Variants in CHD6 observed in about 807,000 individuals in gnomAD.
The protein encoded by CHD6 is chromodomain helicase DNA binding protein 6, also known as ATP-dependent chromatin remodeler CHD6.
Under a neutral mutation model 276.9 loss-of-function variants are expected in CHD6, and 50 were observed. The observed-to-expected ratio is 0.18, with a 90% CI of 0.14 to 0.23. The LOEUF (loss-of-function observed/expected upper bound fraction) is 0.23, where lower values mean the gene tolerates loss of function less well. CHD6 is among the 10% of genes least tolerant of loss of function. The pLI, the probability that CHD6 is intolerant of heterozygous loss-of-function variation, is 1.00. For synonymous variants in CHD6, 1,173 were observed against 1,229.3 expected (o/e 0.95, Z 0.96); for missense variants, 2,564 against 3,365.8 (o/e 0.76, Z 5.89).
chr20:41,497,810 G>T, intron 7 of CHD6: 1 of 449,138 alleles, frequency 2.2e-6, no homozygotes, highest in Non-Finnish European at 4.1e-6. Context: ...TAGCAGAAAG[G>T]AAAATATACA....
intron 17 of CHD6, among the ~76,000 whole-genome samples, chr20:41,458,290 C>T (rs2048438636): frequency 6.6e-6 from 1 of 152,200 alleles, no homozygotes; most frequent in South Asian, 2.1e-4. Flanking sequence ...TAATCAGTTT[C>T]CAAAATAACA....
chr20:41,504,797 CT>C (rs1208882571), intron 5 of CHD6, among the ~76,000 whole-genome samples: 3 of 152,140 alleles, frequency 2.0e-5, no homozygotes, highest in Admixed American at 2.0e-4. Flanking sequence ...CTAGGGTCTG[CT>C]TCTATTATAT....
intron 25 of CHD6, among the ~76,000 whole-genome samples, chr20:41,442,517 G>T (rs943548754): frequency 6.6e-6 from 1 of 152,192 alleles, no homozygotes; most frequent in African/African-American, 2.4e-5. Context: ...GAAAATGGTT[G>T]CAGCTCTACA....
At chr20:41,592,482 C>T (rs1186537062) in intron 1 of CHD6, among the ~76,000 whole-genome samples, 1 of 152,184 alleles carries the variant, frequency 6.6e-6, no homozygotes, top group Non-Finnish European at 1.5e-5. Flanking sequence ...TACTTTTGAA[C>T]TATGATCCAT....
At chr20:41,451,504 G>C (rs2048238751) in intron 22 of CHD6, among the ~76,000 whole-genome samples, 1 of 152,214 alleles carries the variant, frequency 6.6e-6, no homozygotes, top group Non-Finnish European at 1.5e-5. Flanking sequence ...AGGTGGGACA[G>C]GGACAGGATG....
At chr20:41,611,517 C>T (rs2045886940) in intron 1 of CHD6, among the ~76,000 whole-genome samples, 1 of 152,140 alleles carries the variant, frequency 6.6e-6, no homozygotes, top group South Asian at 2.1e-4. Context: ...CAATGTTTCT[C>T]AAATTTTGAT....
chr20:41,426,195 T>C (rs1555888746), intron 27 of CHD6, 42 bp from the exon 28 acceptor site: 1 of 1,370,608 alleles, frequency 7.3e-7, no homozygotes, highest in Non-Finnish European at 1.0e-6. Flanking sequence ...AACTGCAGCT[T>C]AGAAGAAACC....
At chr20:41,563,296 C>A (rs931652607) in intron 1 of CHD6, among the ~76,000 whole-genome samples, 1 of 152,164 alleles carries the variant, frequency 6.6e-6, no homozygotes, top group Non-Finnish European at 1.5e-5. Context: ...AATAACAAGG[C>A]TTTTACTCAC....
At chr20:41,603,415 T>A (rs1361186005) in intron 1 of CHD6, among the ~76,000 whole-genome samples, 1 of 152,194 alleles carries the variant, frequency 6.6e-6, no homozygotes, top group African/African-American at 2.4e-5. Flanking sequence ...CACAATATAG[T>A]GTTTTTATCA....
At chr20:41,439,857 T>C in intron 26 of CHD6, 143 bp downstream of exon 26, 2 of 766,772 alleles carry the variant, frequency 2.6e-6, no homozygotes, top group Non-Finnish European at 4.2e-6. Flanking sequence ...AAGTAGCAAT[T>C]ATGGAAAACA....
intron 2 of CHD6, among the ~76,000 whole-genome samples, chr20:41,535,695 C>G (rs2044815156): frequency 6.6e-6 from 1 of 151,250 alleles, no homozygotes. Flanking sequence ...CCTGTCTCTA[C>G]CAAAAAAAAA....
rs781536728 is a variant in CHD6 at position 41,473,564 on chromosome 20, C to T, written c.2469-47G>A. ...AAAGCCCAGGCGTTAATCATGACTT[C>T]AATGGAGAACAGCACAAAATGCAGG... On this transcript the variant is annotated intron_variant, in intron 16 of 36. Coordinates refer to ENST00000373233, the MANE Select transcript of CHD6 (RefSeq NM_032221.5). This position sits in a 1 kb window ranked among gnomAD's most constrained non-coding sequence, Gnocchi z 4.1. 3 of 1,481,406 alleles carry T rather than the reference C, an allele frequency of 2.0e-6. No individual in the cohort carries two copies. Among genetic ancestry groups the T allele is most frequent in the Non-Finnish European group, 2.8e-6 (3 of 1,064,434 alleles). The allele number at this position is 1,481,406 out of a possible 1,614,324, so 91.8% of individuals were successfully genotyped here. A position where few individuals can be genotyped will look rare whatever the true frequency, so the allele number is the denominator to read the frequency against.
intron 16 of CHD6, among the ~76,000 whole-genome samples, chr20:41,477,359 T>C (rs527994611): frequency 3.3e-5 from 5 of 152,278 alleles, no homozygotes; most frequent in African/African-American, 9.6e-5. Flanking sequence ...CCAGTATACA[T>C]AATATCTCCC....
chr20:41,498,300 T>A (rs2043737622), intron 6 of CHD6, 74 bp from the exon 7 acceptor site: 1 of 996,444 alleles, frequency 1.0e-6, no homozygotes, highest in African/African-American at 1.7e-5. Context: ...AGAAAACAGG[T>A]AATCAATATC....
At position 41,429,600 on chromosome 20, in the gene CHD6, T is replaced by G. The variant is rs1247096764; in HGVS notation, c.4069-3447A>C. Among the ~76,000 whole-genome samples the G allele has an allele frequency of 2.0e-5, 3 of 152,106 alleles. No individual in the cohort carries two copies. The East Asian group carries it at 5.8e-4, about 29-fold the overall frequency. The stretch of plus-strand genomic sequence containing the variant: ...AGAGGTATTTCACCTGAAAAGAAAT[T>G]TAAAGAAATTAAGGTCATGAGCTGG... On this transcript the variant is annotated intron_variant, in intron 27 of 36. Coordinates refer to ENST00000373233, the MANE Select transcript of CHD6 (RefSeq NM_032221.5).
At position 41,415,650 on chromosome 20, in the gene CHD6, C is replaced by A. The variant is rs530805483; in HGVS notation, c.6487-12G>T. ...GCTAAGAAGCTCTCCTGTGAACACA[C>A]AAACAGCAAGAGAGGTCTGAATGTC... On this transcript the variant is annotated splice_polypyrimidine_tract_variant and intron_variant, in intron 33 of 36. Coordinates refer to ENST00000373233, the MANE Select transcript of CHD6 (RefSeq NM_032221.5). The A allele has an allele frequency of 6.4e-7, 1 of 1,557,936 alleles. No homozygotes were observed. Among genetic ancestry groups the A allele is most frequent in the Non-Finnish European group, 8.7e-7 (1 of 1,155,888 alleles).
intron 25 of CHD6, among the ~76,000 whole-genome samples, chr20:41,443,503 A>T (rs562566119): frequency 6.6e-6 from 1 of 152,290 alleles, no homozygotes; most frequent in African/African-American, 2.4e-5. Flanking sequence ...TCATTGTGTA[A>T]TGACCCCCTT....
chr20:41,570,704 T>A (rs186646947), intron 1 of CHD6, among the ~76,000 whole-genome samples: 1 of 152,222 alleles, frequency 6.6e-6, no homozygotes, highest in Non-Finnish European at 1.5e-5. Flanking sequence ...CCTCATATGC[T>A]GTATACTGGG....
At chr20:41,558,381 C>A (rs146537181) in intron 1 of CHD6, among the ~76,000 whole-genome samples, 98 of 152,324 alleles carry the variant, frequency 6.4e-4, no homozygotes, top group African/African-American at 2.2e-3. Flanking sequence ...CAATCTATGG[C>A]GTCTGCCACA....
Sources: gnomAD v4.1 joint callset for allele counts (sites outside exome capture counted in the v4.1 genomes callset) on GRCh38, gnomAD v4.1.1 for gene constraint, Gnocchi (gnomAD v3.1) non-coding constraint, MANE v1.5 for transcripts, NCBI Gene and HGNC (gene_info 2026-07-23, HGNC 2026-07-21) for gene names.